The following RC3H1 variants were observed in gnomAD, a reference collection of about 807,000 sequenced individuals.
The protein encoded by RC3H1 is ring finger and CCCH-type domains 1, also known as roquin-1.
A neutral mutation model predicts 138.2 loss-of-function variants in RC3H1; 50 were observed. That is an observed-to-expected ratio of 0.36 (90% CI 0.29 to 0.46). RC3H1 has a LOEUF of 0.46. RC3H1 is among the 20% of genes least tolerant of loss of function. RC3H1 has a pLI of 1.00. For synonymous variants in RC3H1, 462 were observed against 489.1 expected, an observed-to-expected ratio of 0.94 and a Z score of 0.73; for missense variants, 1,031 against 1,388.1, an observed-to-expected ratio of 0.74 and a Z score of 4.09.
intron 1 of RC3H1, among the ~76,000 whole-genome samples, chr1:174,004,866 A>G (rs1661626820): frequency 6.6e-6 from 1 of 151,346 alleles, no homozygotes; most frequent in Admixed American, 6.6e-5. Flanking sequence ...CAAAGGCCCT[A>G]GGTTTCTTCC....
intron 7 of RC3H1, among the ~76,000 whole-genome samples, chr1:173,977,168 C>T (rs1191337676): frequency 6.6e-6 from 1 of 152,024 alleles, no homozygotes; most frequent in Non-Finnish European, 1.5e-5. Context: ...TCGTGATCCG[C>T]CCGCCTCGGC....
At chr1:173,961,586 A>G (rs1383701614) in intron 12 of RC3H1, 139 bp downstream of exon 12, 1 of 895,334 alleles carries the variant, frequency 1.1e-6, no homozygotes, top group African/African-American at 1.7e-5. Context: ...TACCCAAATT[A>G]TGAAAAGATT....
At chr1:173,969,793 C>T (rs1660273698) in intron 9 of RC3H1, among the ~76,000 whole-genome samples, 1 of 151,686 alleles carries the variant, frequency 6.6e-6, no homozygotes, top group Non-Finnish European at 1.5e-5. Context: ...AATTTAACAT[C>T]CCTGAAATTA....
Position 173,947,592 on chromosome 1 carries a change from A to T in RC3H1, c.2524-10T>A. ...CTTTACTCTCCACATTCTGATAAAA[A>T]AGCAAAATGAGAAATTACCCCACAC... On this transcript the variant is annotated splice_polypyrimidine_tract_variant and intron_variant, in intron 14 of 19. Coordinates refer to ENST00000367696, the MANE Select transcript of RC3H1 (RefSeq NM_172071.4). 1.9e-6 allele frequency: 3 copies of T among 1,609,644 alleles called. No homozygotes were observed. Among genetic ancestry groups the T allele is most frequent in the Non-Finnish European group, 2.6e-6 (3 of 1,176,244 alleles).
At chr1:173,942,475 A>C (rs1658927075) in intron 18 of RC3H1, among the ~76,000 whole-genome samples, 1 of 150,982 alleles carries the variant, frequency 6.6e-6, no homozygotes, top group Admixed American at 6.6e-5. Context: ...AGTACAATAA[A>C]TATCTTTAAC....
intron 1 of RC3H1, among the ~76,000 whole-genome samples, chr1:174,018,708 T>C (rs1207233115): frequency 6.6e-6 from 1 of 152,162 alleles, no homozygotes; most frequent in Non-Finnish European, 1.5e-5. Context: ...TTTTAATCCC[T>C]CTGAACCCAA....
rs11299815 is a variant in RC3H1 at position 173,937,518 on chromosome 1, TA to T, written c.*1202del. The T allele has an allele frequency of 0.064, 8,805 of 138,234 alleles. 361 individuals are homozygous for T. Among genetic ancestry groups the T allele is most frequent in the African/African-American group, 0.13 (4,783 of 37,922 alleles). 8.6% of individuals were successfully genotyped at this position (138,234 alleles called of 1,614,324 possible). A position where few individuals can be genotyped will look rare whatever the true frequency, so the allele number is the denominator to read the frequency against. On this transcript the variant is annotated 3_prime_UTR_variant, in exon 20 of 20. Transcript: ENST00000367696. ...GGCATCAGAATATGTGCAGCAGAAT[TA>T]AAAAAAAAAAAAACCTTACTCTTTT...
At chr1:174,005,511 A>T (rs1661638394) in intron 1 of RC3H1, among the ~76,000 whole-genome samples, 1 of 152,210 alleles carries the variant, frequency 6.6e-6, no homozygotes, top group South Asian at 2.1e-4. Flanking sequence ...GGAATTTGAA[A>T]GATTGTCTCA....
chr1:173,949,138 G>GC (rs1283886757), intron 14 of RC3H1, among the ~76,000 whole-genome samples: 1 of 95,740 alleles, frequency 1.0e-5, no homozygotes, highest in Non-Finnish European at 2.0e-5. Flanking sequence ...TTGGGGGGGG[G>GC]GGTGGGGCTG....
chr1:173,949,222 T>G (rs1222662488), intron 14 of RC3H1, among the ~76,000 whole-genome samples: 1 of 152,088 alleles, frequency 6.6e-6, no homozygotes, highest in Non-Finnish European at 1.5e-5. Flanking sequence ...AAATCTTTTT[T>G]TATTGCAAAT....
chr1:173,938,972 T>G, intron 19 of RC3H1, 101 bp from the exon 20 acceptor site: 1 of 889,394 alleles, frequency 1.1e-6, no homozygotes, highest in East Asian at 2.8e-5. Context: ...AATATATAAA[T>G]GGCTTCCACA....
chr1:173,989,942 G>C (rs1661202259), intron 2 of RC3H1, among the ~76,000 whole-genome samples: 1 of 150,882 alleles, frequency 6.6e-6, no homozygotes, highest in Non-Finnish European at 1.5e-5. Context: ...TAGCCAGGAT[G>C]GTCTCGATCT....
At chr1:174,002,142 T>G (rs1456062174) in intron 1 of RC3H1, among the ~76,000 whole-genome samples, 1 of 152,198 alleles carries the variant, frequency 6.6e-6, no homozygotes, top group African/African-American at 2.4e-5. Flanking sequence ...AATCCCAAAA[T>G]GAAAGATTCA....
At chr1:173,982,169 C>G (rs1377695605) in intron 5 of RC3H1, among the ~76,000 whole-genome samples, 2 of 152,140 alleles carry the variant, frequency 1.3e-5, no homozygotes, top group African/African-American at 4.8e-5. Context: ...CACCTGAGGT[C>G]AGGAGTTCGA....
Position 173,932,446 on chromosome 1 carries a change from C to G in RC3H1, c.*6275G>C, listed in dbSNP as rs1236547252. Reference sequence around the variant, plus strand: ...GTGGGTGAAAGGTTTTGTTCATTACCTTAATTCACTTTTTCCATTGTTCTT... The same window carrying G: ...GTGGGTGAAAGGTTTTGTTCATTACGTTAATTCACTTTTTCCATTGTTCTT... On this transcript the variant is annotated 3_prime_UTR_variant, in exon 20 of 20. Coordinates refer to ENST00000367696, the MANE Select transcript of RC3H1 (RefSeq NM_172071.4). 1 of 152,022 alleles carries G rather than the reference C, an allele frequency of 6.6e-6. No individual in the cohort carries two copies. Among genetic ancestry groups the G allele is most frequent in the Non-Finnish European group, 1.5e-5 (1 of 67,922 alleles). The allele number at this position is 152,022 out of a possible 1,614,324, so 9.4% of individuals were successfully genotyped here. A position where few individuals can be genotyped will look rare whatever the true frequency, so the allele number is the denominator to read the frequency against.
intron 1 of RC3H1, among the ~76,000 whole-genome samples, chr1:174,012,721 T>C (rs1661790158): frequency 6.6e-6 from 1 of 151,348 alleles, no homozygotes; most frequent in Admixed American, 6.6e-5. Flanking sequence ...GAGGCAGAGC[T>C]TGCAGTGAGC....
chr1:173,971,414 T>A (rs996465374), intron 8 of RC3H1, among the ~76,000 whole-genome samples: 9 of 152,228 alleles, frequency 5.9e-5, no homozygotes, highest in African/African-American at 1.7e-4. Flanking sequence ...AAAGGCCCTA[T>A]AATCAAAGAA....
intron 7 of RC3H1, among the ~76,000 whole-genome samples, chr1:173,978,060 T>A (rs973249460): frequency 3.3e-5 from 5 of 151,788 alleles, no homozygotes; most frequent in African/African-American, 1.2e-4. Context: ...AAAGCCTAAG[T>A]AAAGATATAC....
intron 3 of RC3H1, among the ~76,000 whole-genome samples, chr1:173,984,119 G>A (rs987153099): frequency 6.6e-6 from 1 of 152,130 alleles, no homozygotes; most frequent in African/African-American, 2.4e-5. Flanking sequence ...TGGATAGAAG[G>A]CAAACCATTC....
Sources: gnomAD v4.1 joint callset for allele counts (sites outside exome capture counted in the v4.1 genomes callset) on GRCh38, gnomAD v4.1.1 for gene constraint, MANE v1.5 for transcripts, NCBI Gene and HGNC (gene_info 2026-07-23, HGNC 2026-07-21) for gene names.